DSCAM: variants seen among roughly 807,000 people sequenced by gnomAD.
The protein encoded by DSCAM is DS cell adhesion molecule, also known as cell adhesion molecule DSCAM.
Under a neutral mutation model 217.7 loss-of-function variants are expected in DSCAM, and 47 were observed. That is an observed-to-expected ratio of 0.22 (90% confidence interval 0.17 to 0.28). The LOEUF is 0.28. Among genes scored for constraint, DSCAM ranks in the 10% least tolerant of loss-of-function variants. The pLI, the probability that DSCAM is intolerant of heterozygous loss-of-function variation, is 1.00. For missense variants in DSCAM, 2,080 were observed against 2,618.3 expected, an observed-to-expected ratio of 0.79 and a Z score of 4.49; for synonymous variants, 1,056 against 1,015.3, an observed-to-expected ratio of 1.04 and a Z score of -0.76.
At chr21:40,329,597 A>G (rs562244525) in intron 8 of DSCAM, among the ~76,000 whole-genome samples, 1 of 150,710 alleles carries the variant, frequency 6.6e-6, no homozygotes, top group South Asian at 2.1e-4. Context: ...CTGGCCACAG[A>G]GTGAGACTCC....
At chr21:40,036,285 A>G (rs2146459855) in intron 32 of DSCAM, among the ~76,000 whole-genome samples, 1 of 150,006 alleles carries the variant, frequency 6.7e-6, no homozygotes, top group South Asian at 2.1e-4. Context: ...TAATAAAGAG[A>G]AAAAGAGAGA....
intron 10 of DSCAM, among the ~76,000 whole-genome samples, chr21:40,291,467 C>A (rs1354457693): frequency 6.6e-6 from 1 of 152,222 alleles, no homozygotes; most frequent in African/African-American, 2.4e-5. Context: ...CAGGTCCTTA[C>A]AATGACTGAT....
At chr21:40,791,769 T>G (rs1460370005) in intron 1 of DSCAM, among the ~76,000 whole-genome samples, 2 of 152,220 alleles carry the variant, frequency 1.3e-5, no homozygotes, top group African/African-American at 4.8e-5. Context: ...GTTGGAGCTA[T>G]AAATCAAAGT....
intron 10 of DSCAM, among the ~76,000 whole-genome samples, chr21:40,292,750 C>CT (rs1050953506): frequency 5.5e-4 from 81 of 148,282 alleles, no homozygotes; most frequent in East Asian, 4.9e-3. Context: ...CTTTCTTTTC[C>CT]TTTTTTTTTT....
intron 3 of DSCAM, among the ~76,000 whole-genome samples, chr21:40,560,266 G>A (rs2076709808): frequency 6.6e-6 from 1 of 152,210 alleles, no homozygotes; most frequent in African/African-American, 2.4e-5. Flanking sequence ...AGTTGCCCTG[G>A]ATGTAGGAGT....
intron 27 of DSCAM, among the ~76,000 whole-genome samples, chr21:40,070,082 T>C (rs1420005594): frequency 2.6e-5 from 4 of 152,118 alleles, no homozygotes; most frequent in Non-Finnish European, 5.9e-5. Context: ...TGCTTCCCGC[T>C]GTCAGATGCA....
At chr21:40,254,665 C>A (rs952592218) in intron 11 of DSCAM, among the ~76,000 whole-genome samples, 2 of 152,152 alleles carry the variant, frequency 1.3e-5, no homozygotes, top group African/African-American at 4.8e-5. Context: ...AGCTTCAGAG[C>A]TCTTTGCAGG....
At chr21:40,843,311 A>T in intron 1 of DSCAM, among the ~76,000 whole-genome samples, 1 of 151,850 alleles carries the variant, frequency 6.6e-6, no homozygotes. Context: ...ATGAAAGCGG[A>T]TGCAGTAGAA....
At chr21:40,490,102 G>A (rs961359180) in intron 3 of DSCAM, among the ~76,000 whole-genome samples, 5 of 152,124 alleles carry the variant, frequency 3.3e-5, no homozygotes, top group African/African-American at 1.2e-4. Context: ...GAGAGTGCGT[G>A]TGCAGGGGAA....
intron 11 of DSCAM, among the ~76,000 whole-genome samples, chr21:40,226,791 A>G (rs565856657): frequency 2.4e-4 from 37 of 152,278 alleles, no homozygotes; most frequent in Non-Finnish European, 4.6e-4. Context: ...GTGCACATTT[A>G]TTATGCAGGT....
intron 3 of DSCAM, among the ~76,000 whole-genome samples, chr21:40,542,332 C>G (rs1366702711): frequency 6.6e-6 from 1 of 152,074 alleles, no homozygotes; most frequent in African/African-American, 2.4e-5. Context: ...ATTTGGATGC[C>G]CAGCATCTAC....
At chr21:40,047,134 T>A (rs777283752) in intron 30 of DSCAM, among the ~76,000 whole-genome samples, 1 of 152,086 alleles carries the variant, frequency 6.6e-6, no homozygotes, top group East Asian at 1.9e-4. Context: ...TAGGCAGGCA[T>A]CCTAGGGTCA....
rs60983061 is a variant in DSCAM at position 40,628,127 on chromosome 21, A to T, written c.508+64683T>A. Among the ~76,000 whole-genome samples the T allele has an allele frequency of 1.6e-3, 238 of 152,336 alleles. 3 individuals are homozygous for T. Among genetic ancestry groups the T allele is most frequent in the African/African-American group, 5.3e-3 (220 of 41,576 alleles). On this transcript the variant is annotated intron_variant, in intron 3 of 32. Transcript: ENST00000400454. Reference sequence around the variant, plus strand: ...TCTTTTGTCTTTGTAGACAGAAAAGATCATCCATAAAATGAGCAAATATAT... The same window carrying T: ...TCTTTTGTCTTTGTAGACAGAAAAGTTCATCCATAAAATGAGCAAATATAT...
intron 5 of DSCAM, among the ~76,000 whole-genome samples, 175 bp downstream of exon 5, chr21:40,353,290 G>A (rs1327703660): frequency 1.3e-5 from 2 of 152,164 alleles, no homozygotes; most frequent in African/African-American, 4.8e-5. Context: ...GTGTAACCTT[G>A]GGGAATTCAT....
At chr21:40,344,133 G>T (rs182255158) in intron 6 of DSCAM, among the ~76,000 whole-genome samples, 1 of 152,036 alleles carries the variant, frequency 6.6e-6, no homozygotes, top group East Asian at 1.9e-4. Context: ...TCCTGACCTC[G>T]AGTGAGCCGC....
chr21:40,055,237 G>A (rs1472586480), intron 29 of DSCAM, among the ~76,000 whole-genome samples: 1 of 152,150 alleles, frequency 6.6e-6, no homozygotes, highest in Non-Finnish European at 1.5e-5. Flanking sequence ...ACTGGTGTGG[G>A]GGAAGATACC....
intron 6 of DSCAM, among the ~76,000 whole-genome samples, chr21:40,340,734 C>G (rs1299867248): frequency 1.3e-5 from 2 of 151,944 alleles, no homozygotes; most frequent in African/African-American, 4.8e-5. Flanking sequence ...AATGAATCTC[C>G]ATTGTTGAAT....
At chr21:40,518,656 G>GTA (rs1212267375) in intron 3 of DSCAM, among the ~76,000 whole-genome samples, 8 of 131,378 alleles carry the variant, frequency 6.1e-5, no homozygotes, top group South Asian at 2.4e-4. Flanking sequence ...GTATATATGT[G>GTA]TATATATATG....
intron 4 of DSCAM, among the ~76,000 whole-genome samples, chr21:40,363,441 T>G (rs987136174): frequency 6.6e-6 from 1 of 151,774 alleles, no homozygotes; most frequent in Non-Finnish European, 1.5e-5. Context: ...TTAGTAGAGA[T>G]GGGGTTTCAT....
Sources: gnomAD v4.1 joint callset for allele counts (sites outside exome capture counted in the v4.1 genomes callset) on GRCh38, gnomAD v4.1.1 for gene constraint, MANE v1.5 for transcripts, NCBI Gene and HGNC (gene_info 2026-07-23, HGNC 2026-07-21) for gene names.